KLRF2: variants seen among roughly 807,000 people sequenced by gnomAD.
KLRF2 encodes killer cell lectin-like receptor subfamily F member 2.
KLRF2 carries 28 observed loss-of-function variants against 25.3 expected under a neutral mutation model. The ratio of observed to expected loss-of-function variants is 1.11; its 90% confidence interval spans 0.82 to 1.52. The LOEUF (loss-of-function observed/expected upper bound fraction) is 1.52. Ranked by LOEUF, KLRF2 falls within the 40% of genes most tolerant of loss-of-function variation. The pLI, the probability that KLRF2 is intolerant of heterozygous loss-of-function variation, is 0.00. For synonymous variants in KLRF2, 73 were observed against 85.0 expected, an observed-to-expected ratio of 0.86 and a Z score of 0.78; for missense variants, 265 against 245.8, an observed-to-expected ratio of 1.08 and a Z score of -0.52.
At chr12:9,884,823 A>C in intron 1 of KLRF2, 111 bp from the exon 2 acceptor site, 1 of 392,708 alleles carries the variant, frequency 2.5e-6, no homozygotes, top group Non-Finnish European at 4.5e-6. Flanking sequence ...TTTAATCATA[A>C]ATTCTAATGA....
Position 9,888,713 on chromosome 12 carries a change from T to C in KLRF2, c.170-20T>C, listed in dbSNP as rs1291891686. 1 of 1,405,342 alleles carries C rather than the reference T, an allele frequency of 7.1e-7. No homozygotes were observed. The highest frequency in any genetic ancestry group is 9.7e-7 in the Non-Finnish European group (1 of 1,029,418). The allele number at this position is 1,405,342 out of a possible 1,614,324, so 87.1% of individuals were successfully genotyped here. A position where few individuals can be genotyped will look rare whatever the true frequency, so the allele number is the denominator to read the frequency against. The stretch of plus-strand genomic sequence containing the variant: ...TGATTTTTAAATGTTTCTCATATCT[T>C]TTCTTTGCACTGAGTACAGATAAAA... On this transcript the variant is annotated intron_variant, in intron 2 of 5. Coordinates refer to ENST00000535540, the MANE Select transcript of KLRF2 (RefSeq NM_001190765.1).
At chr12:9,894,126 TTCTC>T (rs141327204) in intron 5 of KLRF2, among the ~76,000 whole-genome samples, 3,403 of 130,256 alleles carry the variant, frequency 0.026, 56 homozygotes, top group Middle Eastern at 0.051. Context: ...TTTCTTTTCT[TTCTC>T]TCTCTCTCTC....
At chr12:9,888,297 T>C (rs1862625571) in intron 2 of KLRF2, among the ~76,000 whole-genome samples, 1 of 151,658 alleles carries the variant, frequency 6.6e-6, no homozygotes, top group Non-Finnish European at 1.5e-5. Context: ...GAGACCATCC[T>C]GGCTAATATC....
At chr12:9,892,903 CAAA>C in intron 3 of KLRF2, 114 bp from the exon 4 acceptor site, 34 of 775,060 alleles carry the variant, frequency 4.4e-5, no homozygotes, top group South Asian at 8.5e-5. Context: ...TTTTATTGAC[CAAA>C]AAAAAAAAAA....
At chr12:9,885,624 C>T (rs889580808) in intron 2 of KLRF2, among the ~76,000 whole-genome samples, 1 of 151,908 alleles carries the variant, frequency 6.6e-6, no homozygotes, top group African/African-American at 2.4e-5. Context: ...TCCTTTACTT[C>T]TTAATAAAGG....
chr12:9,891,589 G>A (rs1862676599), intron 3 of KLRF2, among the ~76,000 whole-genome samples: 1 of 152,142 alleles, frequency 6.6e-6, no homozygotes, highest in Admixed American at 6.6e-5. Context: ...GGAGGTATAT[G>A]AGAGGTCATT....
chr12:9,892,565 C>T (rs1003525516), intron 3 of KLRF2, among the ~76,000 whole-genome samples: 8 of 144,316 alleles, frequency 5.5e-5, no homozygotes, highest in Admixed American at 2.8e-4. Flanking sequence ...AAATTATTCT[C>T]ATTTTACAGA....
intron 1 of KLRF2, among the ~76,000 whole-genome samples, chr12:9,883,860 G>A (rs1056495076): frequency 6.6e-6 from 1 of 152,120 alleles, no homozygotes; most frequent in African/African-American, 2.4e-5. Flanking sequence ...ACAGAAATTA[G>A]ATTTGAGAAA....
chr12:9,883,719 G>A (rs191190993), intron 1 of KLRF2, among the ~76,000 whole-genome samples: 56 of 152,192 alleles, frequency 3.7e-4, no homozygotes, highest in Admixed American at 3.1e-3. Context: ...AATTATTTTG[G>A]ACTTAGTAAT....
intron 1 of KLRF2, among the ~76,000 whole-genome samples, chr12:9,883,125 C>T (rs1591775409): frequency 6.6e-6 from 1 of 152,152 alleles, no homozygotes; most frequent in Non-Finnish European, 1.5e-5. Flanking sequence ...ACATTTGCTT[C>T]CAAGCTTCCT....
chr12:9,895,492 C>T (rs1862746600), intron 5 of KLRF2, among the ~76,000 whole-genome samples, 197 bp from the exon 6 acceptor site: 1 of 152,182 alleles, frequency 6.6e-6, no homozygotes, highest in African/African-American at 2.4e-5. Context: ...TCTAGTGTAG[C>T]TCAAGCTTGC....
At position 9,889,450 on chromosome 12, in the gene KLRF2, T is replaced by C. The variant is rs553607212; in HGVS notation, c.217+670T>C. Among the ~76,000 whole-genome samples, 7 of 152,252 alleles carry C rather than the reference T, an allele frequency of 4.6e-5. No individual in the cohort carries two copies. The East Asian group carries it at 1.4e-3, about 29-fold the overall frequency. On this transcript the variant is annotated intron_variant, in intron 3 of 5. Transcript: ENST00000535540. ...AAGTGGGTGGATCTTATCCAATCAA[T>C]TGAAAGTCTTAGAAAAACTGCTGAG...
At chr12:9,886,703 G>C (rs977040434) in intron 2 of KLRF2, among the ~76,000 whole-genome samples, 6 of 143,872 alleles carry the variant, frequency 4.2e-5, no homozygotes, top group African/African-American at 1.5e-4. Context: ...TGCTCTTTTT[G>C]ATTGGTGTCT....
chr12:9,892,693 T>C (rs1285294544), intron 3 of KLRF2, among the ~76,000 whole-genome samples: 1 of 150,184 alleles, frequency 6.7e-6, no homozygotes. Flanking sequence ...CAAGCGATTC[T>C]CCTGCCTCAG....
rs774306948 is a variant in KLRF2 at position 9,881,676 on chromosome 12, T to A, written c.70+11T>A. 6.5e-7 allele frequency: 1 copy of A among 1,527,268 alleles called. No individual in the cohort carries two copies. Among genetic ancestry groups the A allele is most frequent in the Non-Finnish European group, 8.8e-7 (1 of 1,139,124 alleles). 94.6% of individuals were successfully genotyped at this position (1,527,268 alleles called of 1,614,324 possible). ...AGCAGAAATCTAAAGGTAGGAATAC[T>A]GCTCCCCATCACCGCATTTAAAATT... On this transcript the variant is annotated intron_variant, in intron 1 of 5. Coordinates refer to ENST00000535540, the MANE Select transcript of KLRF2 (RefSeq NM_001190765.1).
At position 9,894,400 on chromosome 12, in the gene KLRF2, C is replaced by T. The variant is rs796579278; in HGVS notation, c.479+859C>T. On this transcript the variant is annotated intron_variant, in intron 5 of 5. Transcript: ENST00000535540. ...GTTTTGCCATGTTGCCCATGCTGGT[C>T]TCCAACTCCTGAGCTCAAACTATCA... is the stretch of plus-strand genomic sequence containing the variant. 5.3e-5 allele frequency among the ~76,000 whole-genome samples: 8 copies of T among 152,128 alleles called. 1 individual carries two copies. Among genetic ancestry groups the T allele is most frequent in the African/African-American group, 7.2e-5 (3 of 41,482 alleles).
chr12:9,888,375 A>T (rs10772221), intron 2 of KLRF2, among the ~76,000 whole-genome samples: 3 of 151,566 alleles, frequency 2.0e-5, no homozygotes, highest in Admixed American at 6.6e-5. Context: ...CTGTAGTCCC[A>T]TATGCTCGGG....
Position 9,884,951 on chromosome 12 carries a change from C to A in KLRF2, c.88C>A (p.Gln30Lys). The A allele has an allele frequency of 7.9e-7, 1 of 1,267,428 alleles. No homozygotes were observed. Among genetic ancestry groups the A allele is most frequent in the Non-Finnish European group, 1.0e-6 (1 of 974,002 alleles). 78.5% of individuals were successfully genotyped at this position (1,267,428 alleles called of 1,614,324 possible). Residue 30 changes from glutamine to lysine, a missense_variant, in exon 2 of 6, where the codon CAA (glutamine) becomes AAA (lysine). By Grantham distance (53) the Gln-to-Lys change is moderately conservative. Transcript: ENST00000535540. The part of the protein sequence containing the change: ...QKSKDFSLYP[Q>K]YYCLLLIFGC... ...CATTTCAGATTTCTCCCTATATCCA[C>A]AATATTATTGTCTTCTGCTCATATT... is the stretch of plus-strand genomic sequence containing the variant.
chr12:9,886,872 T>C lies in KLRF2; in HGVS notation c.169+1840T>C, dbSNP rs1207774858. Among the ~76,000 whole-genome samples the C allele has an allele frequency of 4.0e-5, 6 of 151,886 alleles. No homozygotes were observed. In the South Asian group the frequency reaches 1.2e-3, roughly 32 times the overall value. ...GACTGGTGGTCGGTGCAATAAGGTG[T>C]ATACCCACTTGTTTTGGTTTTGGAG... On this transcript the variant is annotated intron_variant, in intron 2 of 5. Coordinates refer to ENST00000535540, the MANE Select transcript of KLRF2 (RefSeq NM_001190765.1).
Sources: allele counts gnomAD v4.1 joint callset (sites outside exome capture counted in the v4.1 genomes callset), GRCh38; gene constraint gnomAD v4.1.1; transcripts MANE v1.5; gene names NCBI Gene and HGNC (gene_info 2026-07-23, HGNC 2026-07-21).